The following CDKN3 variants were observed in gnomAD, a reference collection of about 807,000 sequenced individuals.
The protein encoded by CDKN3 is cyclin-dependent kinase inhibitor 3.
In CDKN3, 19 loss-of-function variants were observed where a neutral mutation model predicts 36.1. The observed-to-expected ratio is 0.53, with a 90% CI of 0.37 to 0.77. CDKN3 has a LOEUF of 0.77. Ranked by LOEUF, CDKN3 falls within the 30% of genes least tolerant of loss-of-function variation. CDKN3 has a pLI of 0.00. For missense variants in CDKN3, 188 were observed against 248.6 expected, an observed-to-expected ratio of 0.76 and a Z score of 1.64; for synonymous variants, 71 against 85.3, an observed-to-expected ratio of 0.83 and a Z score of 0.92.
chr14:54,400,379 TATGAG>T (rs1169751988), intron 2 of CDKN3, among the ~76,000 whole-genome samples: 2 of 151,942 alleles, frequency 1.3e-5, no homozygotes, highest in African/African-American at 2.4e-5. Flanking sequence ...ATATACCAAA[TATGAG>T]ATGAGATATT....
intron 6 of CDKN3, 44 bp from the exon 7 acceptor site, chr14:54,417,804 C>T: frequency 9.4e-7 from 1 of 1,060,096 alleles, no homozygotes; most frequent in Non-Finnish European, 1.4e-6. Flanking sequence ...TACCCTGTCA[C>T]TAGTTATTTA....
chr14:54,414,900 C>T (rs2030487877), intron 5 of CDKN3, among the ~76,000 whole-genome samples: 1 of 152,052 alleles, frequency 6.6e-6, no homozygotes, highest in African/African-American at 2.4e-5. Context: ...ATGTCTGGAA[C>T]ACTTTGTGGA....
intron 3 of CDKN3, among the ~76,000 whole-genome samples, chr14:54,407,057 C>T (rs2030185200): frequency 6.6e-6 from 1 of 152,114 alleles, no homozygotes; most frequent in African/African-American, 2.4e-5. Context: ...GATGTTGATG[C>T]TATTGCTTTC....
At chr14:54,411,809 G>T (rs546811829) in intron 5 of CDKN3, 103 bp downstream of exon 5, 8 of 790,036 alleles carry the variant, frequency 1.0e-5, no homozygotes, top group East Asian at 2.6e-5. Flanking sequence ...ATAGTTTGTT[G>T]TAAGGATTAA....
At position 54,411,278 on chromosome 14, in the gene CDKN3, A is replaced by C. The variant is rs189181699; in HGVS notation, c.194-206A>C. 284 of 501,642 alleles carry C rather than the reference A, an allele frequency of 5.7e-4. 1 individual carries two copies. The highest frequency in any genetic ancestry group is 5.0e-3 in the African/African-American group (256 of 50,788). The allele number at this position is 501,642 out of a possible 1,614,324, so 31.1% of individuals were successfully genotyped here. ...CAGCAATTGACTTATTTTGAAATTCAGTAAAAGGCATTTTGACTTGTAATA... is the reference window on the plus strand; with the variant it reads ...CAGCAATTGACTTATTTTGAAATTCCGTAAAAGGCATTTTGACTTGTAATA... On this transcript the variant is annotated intron_variant, in intron 4 of 7. Coordinates refer to ENST00000335183, the MANE Select transcript of CDKN3 (RefSeq NM_005192.4).
intron 6 of CDKN3, 59 bp downstream of exon 6, chr14:54,415,989 G>T: frequency 8.3e-7 from 1 of 1,204,970 alleles, no homozygotes. Context: ...TCTGTTTCCA[G>T]ACCATATGTT....
At chr14:54,416,174 CTTATTTT>C (rs1255492702) in intron 6 of CDKN3, among the ~76,000 whole-genome samples, 1 of 152,092 alleles carries the variant, frequency 6.6e-6, no homozygotes, top group African/African-American at 2.4e-5. Context: ...CACCTGCATT[CTTATTTT>C]TTAACATTTT....
intron 5 of CDKN3, chr14:54,414,068 A>G (rs4251648): frequency 0.024 from 3,992 of 169,180 alleles, 182 homozygotes; most frequent in African/African-American, 0.09. Flanking sequence ...GTCATCACAC[A>G]CTTCCTCGGA....
intron 5 of CDKN3, among the ~76,000 whole-genome samples, chr14:54,415,119 C>T (rs1229601060): frequency 6.6e-6 from 1 of 152,198 alleles, no homozygotes; most frequent in Admixed American, 6.5e-5. Flanking sequence ...TTTTTAGGAT[C>T]TTTGAAAATG....
chr14:54,412,318 G>C (rs2030386181), intron 5 of CDKN3, among the ~76,000 whole-genome samples: 1 of 151,998 alleles, frequency 6.6e-6, no homozygotes, highest in African/African-American at 2.4e-5. Flanking sequence ...CTGGGAGACA[G>C]AGGTTGCAGT....
At chr14:54,404,959 T>C (rs916387420) in intron 3 of CDKN3, among the ~76,000 whole-genome samples, 1 of 152,238 alleles carries the variant, frequency 6.6e-6, no homozygotes, top group African/African-American at 2.4e-5. Flanking sequence ...ATTGTGATGT[T>C]AGGGTGTCAA....
In CDKN3 at chr14:54,397,091, G is replaced by A. The variant is rs1370972802; in HGVS notation, c.9+14G>A. 6.7e-7 allele frequency: 1 copy of A among 1,502,104 alleles called. No homozygotes were observed. Among genetic ancestry groups the A allele is most frequent in the Non-Finnish European group, 8.9e-7 (1 of 1,122,886 alleles). 93.0% of individuals were successfully genotyped at this position (1,502,104 alleles called of 1,614,324 possible). ...GCGATGAAGCCGGTGAGTCGGACGT[G>A]CTGGGGTTTGGAGGAGCGAGGCGGC... is the stretch of plus-strand genomic sequence containing the variant. On this transcript the variant is annotated intron_variant, in intron 1 of 7. Coordinates refer to ENST00000335183, the MANE Select transcript of CDKN3 (RefSeq NM_005192.4).
intron 4 of CDKN3, among the ~76,000 whole-genome samples, chr14:54,410,475 G>T (rs2030311537): frequency 6.6e-6 from 1 of 152,146 alleles, no homozygotes; most frequent in Non-Finnish European, 1.5e-5. Context: ...TAAACCAAAT[G>T]CTCAATAGTT....
chr14:54,418,098 C>A, intron 7 of CDKN3, 147 bp downstream of exon 7: 1 of 690,610 alleles, frequency 1.4e-6, no homozygotes, highest in Non-Finnish European at 2.7e-6. Context: ...ATACCACTTG[C>A]TTATGCTTTT....
chr14:54,401,402 G>T, intron 2 of CDKN3, 122 bp from the exon 3 acceptor site: 1 of 583,784 alleles, frequency 1.7e-6, no homozygotes, highest in Non-Finnish European at 3.1e-6. Flanking sequence ...CTTACTTTGT[G>T]ACTACTGTAA....
chr14:54,408,303 C>T (rs941906092), intron 3 of CDKN3, among the ~76,000 whole-genome samples: 4 of 152,196 alleles, frequency 2.6e-5, no homozygotes, highest in African/African-American at 4.8e-5. Context: ...GGTCAACTAA[C>T]ACATCATTCT....
chr14:54,411,792 C>A, intron 5 of CDKN3, 86 bp downstream of exon 5: 1 of 846,230 alleles, frequency 1.2e-6, no homozygotes, highest in East Asian at 2.6e-5. Flanking sequence ...CAGTTATCAC[C>A]TACTTCATAG....
intron 6 of CDKN3, among the ~76,000 whole-genome samples, chr14:54,416,543 C>T (rs2030557819): frequency 6.6e-6 from 1 of 152,086 alleles, no homozygotes; most frequent in African/African-American, 2.4e-5. Context: ...GGCCGGGCGT[C>T]GTGGCTCATG....
At chr14:54,409,584 G>T (rs2030280390) in intron 4 of CDKN3, among the ~76,000 whole-genome samples, 1 of 152,090 alleles carries the variant, frequency 6.6e-6, no homozygotes, top group South Asian at 2.1e-4. Context: ...TGTAATCCCA[G>T]CATTTTGGTA....
Sources: allele counts gnomAD v4.1 joint callset (sites outside exome capture counted in the v4.1 genomes callset), GRCh38; gene constraint gnomAD v4.1.1; transcripts MANE v1.5; gene names NCBI Gene and HGNC (gene_info 2026-07-23, HGNC 2026-07-21).